Variants in TSHR observed in about 807,000 individuals in gnomAD.
TSHR encodes thyrotropin receptor.
A neutral mutation model predicts 64.1 loss-of-function variants in TSHR; 51 were observed. The observed-to-expected ratio is 0.80, with a 90% CI of 0.64 to 1.01. The LOEUF (loss-of-function observed/expected upper bound fraction) is 1.01, where lower values mean the gene tolerates loss of function less well. Among genes scored for constraint, TSHR ranks in the 50% least tolerant of loss-of-function variants. TSHR has a pLI of 0.00. For missense variants in TSHR, 877 were observed against 942.8 expected (o/e 0.93, Z 0.91); for synonymous variants, 361 against 361.9 (o/e 1.00, Z 0.03).
intron 1 of TSHR, among the ~76,000 whole-genome samples, chr14:81,035,598 G>A (rs1884581853): frequency 6.6e-6 from 1 of 152,092 alleles, no homozygotes; most frequent in South Asian, 2.1e-4. Flanking sequence ...ACTTCACAGG[G>A]GAATAAATAT....
intron 4 of TSHR, 89 bp from the exon 5 acceptor site, chr14:81,090,980 C>T: frequency 8.8e-7 from 1 of 1,137,718 alleles, no homozygotes; most frequent in South Asian, 1.3e-5. Flanking sequence ...AGAACCCATG[C>T]TTTCAGCTAT....
intron 8 of TSHR, among the ~76,000 whole-genome samples, chr14:81,133,169 C>T (rs1891320535): frequency 6.6e-6 from 1 of 152,172 alleles, no homozygotes. Flanking sequence ...AAGCATTACA[C>T]CTAAGATTTT....
chr14:81,033,221 C>A, intron 1 of TSHR: 1 of 462,510 alleles, frequency 2.2e-6, no homozygotes, highest in Non-Finnish European at 4.2e-6. Flanking sequence ...ATCTGAAGAG[C>A]CCTCAGAAGG....
At chr14:81,026,637 A>C (rs1884068938) in intron 1 of TSHR, among the ~76,000 whole-genome samples, 1 of 152,216 alleles carries the variant, frequency 6.6e-6, no homozygotes, top group Non-Finnish European at 1.5e-5. Context: ...AGTGAAGATA[A>C]GAAGTCTCAA....
intron 7 of TSHR, chr14:81,104,877 G>T (rs996192237): frequency 1.8e-5 from 18 of 985,214 alleles, no homozygotes; most frequent in Non-Finnish European, 1.9e-5. Flanking sequence ...GACCCCAAGC[G>T]GTGAAAAGCT....
intron 6 of TSHR, among the ~76,000 whole-genome samples, chr14:81,094,732 G>A (rs1306983410): frequency 1.8e-5 from 2 of 111,368 alleles, no homozygotes; most frequent in African/African-American, 7.4e-5. Flanking sequence ...GTCACCCAGA[G>A]CTGGAGTGCA....
chr14:80,957,347 G>A (rs1479400222), intron 1 of TSHR, among the ~76,000 whole-genome samples: 2 of 151,642 alleles, frequency 1.3e-5, no homozygotes, highest in Non-Finnish European at 1.5e-5. Context: ...CTACTTTCTT[G>A]TAACTTGTTA....
chr14:81,131,398 T>G (rs1891241977), intron 8 of TSHR, among the ~76,000 whole-genome samples: 1 of 152,232 alleles, frequency 6.6e-6, no homozygotes, highest in Non-Finnish European at 1.5e-5. Flanking sequence ...GCCAGCATGA[T>G]CCTTTTTAAA....
intron 1 of TSHR, chr14:80,991,893 C>A (rs1316683930): frequency 3.4e-6 from 1 of 290,290 alleles, no homozygotes; most frequent in East Asian, 5.7e-5. Flanking sequence ...TCTGGAGAAT[C>A]TTGGAAAATA....
At chr14:81,094,539 G>A (rs897032314) in intron 6 of TSHR, among the ~76,000 whole-genome samples, 10 of 151,990 alleles carry the variant, frequency 6.6e-5, no homozygotes, top group African/African-American at 2.4e-4. Flanking sequence ...AATTAAACTC[G>A]CTATGTAATT....
intron 1 of TSHR, among the ~76,000 whole-genome samples, chr14:80,999,809 A>G (rs1282805245): frequency 6.6e-6 from 1 of 152,214 alleles, no homozygotes; most frequent in East Asian, 1.9e-4. Context: ...AACTTTGGCA[A>G]AAGGAATATA....
chr14:81,031,318 C>T lies in TSHR; in HGVS notation c.171-30830C>T, dbSNP rs547564686. 5.9e-5 allele frequency among the ~76,000 whole-genome samples: 9 copies of T among 152,146 alleles called. No homozygotes were observed. In the South Asian group the frequency reaches 8.3e-4, roughly 14 times the overall value. On this transcript the variant is annotated intron_variant, in intron 1 of 9. Coordinates refer to ENST00000298171, the MANE Select transcript of TSHR (RefSeq NM_000369.5). Reference sequence around the variant, plus strand: ...AAGGAACTACACACATAGGAGACAGCGTGACCCTAGGCTCTGACTGGGTAT... The same window carrying T: ...AAGGAACTACACACATAGGAGACAGTGTGACCCTAGGCTCTGACTGGGTAT...
chr14:81,092,071 C>T (rs75000427), intron 5 of TSHR, among the ~76,000 whole-genome samples: 2,542 of 152,238 alleles, frequency 0.017, 59 homozygotes, highest in African/African-American at 0.057. Context: ...ACTAGAATGG[C>T]GTAGAAAGGT....
chr14:81,114,166 G>A (rs191392898), intron 8 of TSHR, among the ~76,000 whole-genome samples: 3 of 151,868 alleles, frequency 2.0e-5, no homozygotes, highest in Non-Finnish European at 4.4e-5. Context: ...GTATCACTGG[G>A]GGGGAGGAGC....
chr14:80,968,263 G>C (rs1312829165), intron 1 of TSHR, among the ~76,000 whole-genome samples: 3 of 152,120 alleles, frequency 2.0e-5, no homozygotes, highest in Admixed American at 6.6e-5. Context: ...ATGTAAAACA[G>C]GTACCCAGGG....
intron 1 of TSHR, among the ~76,000 whole-genome samples, chr14:80,985,828 G>A (rs17111346): frequency 0.38 from 57,221 of 152,034 alleles, 11,235 homozygotes; most frequent in East Asian, 0.62. Flanking sequence ...TATACAAGGG[G>A]TATGCAAACT....
At chr14:80,982,498 G>A in intron 1 of TSHR, 1 of 1,049,844 alleles carries the variant, frequency 9.5e-7, no homozygotes, top group Non-Finnish European at 1.3e-6. Flanking sequence ...AGAGGAGGAA[G>A]AGAATGTCAT....
Position 81,116,156 on chromosome 14 carries a change from A to G in TSHR, c.692+7704A>G, listed in dbSNP as rs1250707199. ...AAAATAACCAGCTAACATCAGAATG[A>G]CAGGATCAAATTCACACATAACAAT... On this transcript the variant is annotated intron_variant, in intron 8 of 9. Transcript: ENST00000298171. Among the ~76,000 whole-genome samples, 23 of 152,010 alleles carry G rather than the reference A, an allele frequency of 1.5e-4. No homozygotes were observed. In the East Asian group the frequency reaches 4.3e-3, roughly 28 times the overall value.
chr14:81,074,367 T>G (rs1156375873), intron 3 of TSHR, among the ~76,000 whole-genome samples: 5 of 152,200 alleles, frequency 3.3e-5, no homozygotes, highest in Admixed American at 3.3e-4. Flanking sequence ...TTTAATACAT[T>G]TGTTTTATAA....
Sources: allele counts gnomAD v4.1 joint callset (sites outside exome capture counted in the v4.1 genomes callset), GRCh38; gene constraint gnomAD v4.1.1; transcripts MANE v1.5; gene names NCBI Gene and HGNC (gene_info 2026-07-23, HGNC 2026-07-21).